ANTXR2: variants seen among roughly 807,000 people sequenced by gnomAD.
The protein encoded by ANTXR2 is anthrax toxin receptor 2.
Under a neutral mutation model 73.7 loss-of-function variants are expected in ANTXR2, and 44 were observed. The observed-to-expected ratio is 0.60, with a 90% CI of 0.47 to 0.77. The LOEUF (loss-of-function observed/expected upper bound fraction) is 0.77. Ranked by LOEUF, ANTXR2 falls within the 30% of genes least tolerant of loss-of-function variation. The probability of loss-of-function intolerance (pLI) is 0.00; values close to 1 mark genes in which losing one functional copy is unlikely to be tolerated. For synonymous variants in ANTXR2, 217 were observed against 205.9 expected, an observed-to-expected ratio of 1.05 and a Z score of -0.46; for missense variants, 604 against 592.5, an observed-to-expected ratio of 1.02 and a Z score of -0.20.
intron 11 of ANTXR2, among the ~76,000 whole-genome samples, chr4:80,016,930 C>T (rs1184555829): frequency 6.6e-6 from 1 of 152,384 alleles, no homozygotes; most frequent in African/African-American, 2.4e-5. Context: ...GGCTACCCTC[C>T]TCTGGGTGGG....
intron 11 of ANTXR2, among the ~76,000 whole-genome samples, chr4:80,014,728 A>G (rs1404544131): frequency 6.6e-6 from 1 of 152,208 alleles, no homozygotes; most frequent in African/African-American, 2.4e-5. Context: ...AGATGTAATC[A>G]TCAAGGGAGA....
chr4:79,957,308 ATAAT>A (rs563484512), intron 16 of ANTXR2, among the ~76,000 whole-genome samples: 117 of 152,094 alleles, frequency 7.7e-4, no homozygotes, highest in Non-Finnish European at 1.5e-3. Flanking sequence ...TGCATCTTCA[ATAAT>A]TAATTAATAG....
intron 14 of ANTXR2, among the ~76,000 whole-genome samples, chr4:79,982,059 TA>T (rs1409837543): frequency 1.3e-5 from 2 of 152,122 alleles, no homozygotes; most frequent in Non-Finnish European, 2.9e-5. Context: ...TCCTTTCCTT[TA>T]AAAAGAGATC....
At chr4:80,059,468 C>T (rs892002457) in intron 3 of ANTXR2, among the ~76,000 whole-genome samples, 3 of 152,050 alleles carry the variant, frequency 2.0e-5, no homozygotes, top group African/African-American at 7.2e-5. Flanking sequence ...ATGCAACCCT[C>T]CCACCTCAGT....
chr4:79,974,691 A>C (rs775701529), intron 16 of ANTXR2, among the ~76,000 whole-genome samples: 18 of 151,830 alleles, frequency 1.2e-4, no homozygotes, highest in Non-Finnish European at 2.2e-4. Flanking sequence ...AATCAGAAAA[A>C]TCCTGAATTT....
intron 8 of ANTXR2, among the ~76,000 whole-genome samples, chr4:80,033,908 G>GA (rs1732826666): frequency 6.6e-6 from 1 of 151,994 alleles, no homozygotes; most frequent in African/African-American, 2.4e-5. Context: ...CTATCCTTAG[G>GA]AAAATACCAG....
chr4:80,040,803 T>C (rs767884653), intron 7 of ANTXR2, among the ~76,000 whole-genome samples: 4 of 151,404 alleles, frequency 2.6e-5, no homozygotes, highest in Non-Finnish European at 4.4e-5. Context: ...GAACCTGATA[T>C]CACCATGAAA....
At position 79,933,821 on chromosome 4, in the gene ANTXR2, G is replaced by A. The variant is rs1257225947; in HGVS notation, c.1429-26354C>T. ...ACGATCTCGGCTCACTGCAAGCTCC[G>A]CCTCCTGGGTTCACGCCATTCTCCC... On this transcript the variant is annotated intron_variant, in intron 16 of 16. Coordinates refer to ENST00000403729, the MANE Select transcript of ANTXR2 (RefSeq NM_058172.6). Among the ~76,000 whole-genome samples the A allele has an allele frequency of 2.1e-5, 3 of 144,156 alleles. No individual in the cohort carries two copies. In the Admixed American group the frequency reaches 2.2e-4, roughly 11 times the overall value. 94.6% of individuals were successfully genotyped at this position (144,156 alleles called of 152,430 possible).
intron 12 of ANTXR2, among the ~76,000 whole-genome samples, chr4:79,992,210 T>G (rs536830361): frequency 1.3e-5 from 2 of 152,140 alleles, no homozygotes; most frequent in African/African-American, 4.8e-5. Context: ...TAATTTTTAA[T>G]TTTTGTGGGT....
intron 16 of ANTXR2, among the ~76,000 whole-genome samples, chr4:79,912,216 C>T (rs112935332): frequency 4.2e-4 from 63 of 151,662 alleles, no homozygotes; most frequent in African/African-American, 6.8e-4. Context: ...TATGCTATAG[C>T]GAAATACATT....
At chr4:79,963,810 C>T (rs1030642163) in intron 16 of ANTXR2, among the ~76,000 whole-genome samples, 2 of 152,034 alleles carry the variant, frequency 1.3e-5, no homozygotes, top group Non-Finnish European at 2.9e-5. Context: ...GCAGTATTTC[C>T]ATTGAAAAGT....
intron 12 of ANTXR2, among the ~76,000 whole-genome samples, chr4:79,986,887 A>G (rs1730191595): frequency 6.6e-6 from 1 of 152,206 alleles, no homozygotes; most frequent in Admixed American, 6.5e-5. Context: ...TGCTAAGCTG[A>G]GGCTTGGCCT....
chr4:79,955,694 A>G (rs1728862014), intron 16 of ANTXR2, among the ~76,000 whole-genome samples: 1 of 152,126 alleles, frequency 6.6e-6, no homozygotes, highest in South Asian at 2.1e-4. Context: ...TAACTTTTTG[A>G]TCATTTATTT....
Position 80,055,399 on chromosome 4 carries a change from G to T in ANTXR2, c.447C>A (p.Gly149=). Residue 149 remains glycine (G), a synonymous_variant, in exon 5 of 17, where the codon GGC becomes GGA. Transcript: ENST00000403729. The part of the protein sequence containing the change: ...TSSIIIALTD[G]KLDGLVPSYA... ...ATGATGGCACCAGACCGTCCAACTT[G>T]CCATCTGTCAGAGCAATTATGATAC... is the stretch of plus-strand genomic sequence containing the variant. 1 of 1,611,132 alleles carries T rather than the reference G, an allele frequency of 6.2e-7. No homozygotes were observed. Among genetic ancestry groups the T allele is most frequent in the Non-Finnish European group, 8.5e-7 (1 of 1,178,324 alleles).
intron 9 of ANTXR2, among the ~76,000 whole-genome samples, chr4:80,032,583 A>T (rs775338202): frequency 6.4e-4 from 97 of 152,002 alleles, no homozygotes; most frequent in Non-Finnish European, 1.3e-3. Context: ...TACTGTGTGT[A>T]TGGCCAAAGC....
At chr4:79,935,648 CTGGCTAAGGCATG>C (rs1005254716) in intron 16 of ANTXR2, among the ~76,000 whole-genome samples, 10 of 152,290 alleles carry the variant, frequency 6.6e-5, no homozygotes, top group African/African-American at 2.4e-4. Flanking sequence ...ATATAATTGC[CTGGCTAAGGCATG>C]TGGGATAGTG....
In ANTXR2 at chr4:79,907,139, A is replaced by T. The variant is rs1726945869; in HGVS notation, c.*290T>A. 2 of 434,586 alleles carry T rather than the reference A, an allele frequency of 4.6e-6. No homozygotes were observed. The highest frequency in any genetic ancestry group is 4.6e-5 in the Admixed American group (1 of 21,918). The allele number at this position is 434,586 out of a possible 1,614,324, so 26.9% of individuals were successfully genotyped here. ...TTTCCTCTTCTACACATTCAAACAA[A>T]CTTTCTTGTACAAACCATAGTCTGC... On this transcript the variant is annotated 3_prime_UTR_variant, in exon 17 of 17. Transcript: ENST00000403729.
chr4:79,924,960 A>G (rs1339565005), intron 16 of ANTXR2, among the ~76,000 whole-genome samples: 1 of 152,204 alleles, frequency 6.6e-6, no homozygotes, highest in Non-Finnish European at 1.5e-5. Flanking sequence ...TGAGATGACA[A>G]TGTAACATTT....
chr4:80,019,039 A>T lies in ANTXR2; in HGVS notation c.867-63T>A, dbSNP rs536178604. ...AAAACCAGAGGAGTAGGAGATTTTT[A>T]TTTCCTTATGTAATTCAAAACCAGC... On this transcript the variant is annotated intron_variant, in intron 10 of 16. Coordinates refer to ENST00000403729, the MANE Select transcript of ANTXR2 (RefSeq NM_058172.6). 78 of 1,142,982 alleles carry T rather than the reference A, an allele frequency of 6.8e-5. 1 individual carries two copies. The East Asian group carries it at 1.9e-3, about 28-fold the overall frequency. 70.8% of individuals were successfully genotyped at this position (1,142,982 alleles called of 1,614,324 possible).
Sources: allele counts gnomAD v4.1 joint callset (sites outside exome capture counted in the v4.1 genomes callset), GRCh38; gene constraint gnomAD v4.1.1; transcripts MANE v1.5; gene names NCBI Gene and HGNC (gene_info 2026-07-23, HGNC 2026-07-21).